The following ANO3 variants were observed in gnomAD, a reference collection of about 807,000 sequenced individuals.
The protein encoded by ANO3 is anoctamin 3, also known as anoctamin-3.
Under a neutral mutation model 144.8 loss-of-function variants are expected in ANO3, and 99 were observed. The observed-to-expected ratio is 0.68, with a 90% CI of 0.58 to 0.81. ANO3 has a LOEUF of 0.81. Among genes scored for constraint, ANO3 ranks in the 30% least tolerant of loss-of-function variants. The probability of loss-of-function intolerance (pLI) is 0.00; values close to 1 mark genes in which losing one functional copy is unlikely to be tolerated. For missense variants in ANO3, 905 were observed against 1,202.2 expected (o/e 0.75, Z 3.66); for synonymous variants, 414 against 392.6 (o/e 1.05, Z -0.64).
chr11:26,504,696 G>T (rs1354480028), intron 4 of ANO3, among the ~76,000 whole-genome samples: 1 of 151,798 alleles, frequency 6.6e-6, no homozygotes, highest in Non-Finnish European at 1.5e-5. Flanking sequence ...GGGATAACTC[G>T]GCTGTCATGT....
intron 1 of ANO3, among the ~76,000 whole-genome samples, chr11:26,411,047 A>G (rs1565009031): frequency 6.6e-6 from 1 of 152,144 alleles, no homozygotes; most frequent in East Asian, 1.9e-4. Context: ...AGTGGAGAAA[A>G]GAGAAACATT....
chr11:26,256,315 T>C (rs1004991309), intron 1 of ANO3, among the ~76,000 whole-genome samples: 1 of 152,184 alleles, frequency 6.6e-6, no homozygotes, highest in Admixed American at 6.6e-5. Flanking sequence ...AATTGTTGAA[T>C]GGATCAATAA....
chr11:26,191,720 A>C (rs1302039608), intron 1 of ANO3, among the ~76,000 whole-genome samples: 1 of 152,176 alleles, frequency 6.6e-6, no homozygotes, highest in African/African-American at 2.4e-5. Context: ...AATAATCTTC[A>C]ATAATTATTT....
At chr11:26,509,255 A>G (rs919378195) in intron 5 of ANO3, among the ~76,000 whole-genome samples, 2 of 152,058 alleles carry the variant, frequency 1.3e-5, no homozygotes, top group Non-Finnish European at 1.5e-5. Context: ...CTGTTCCGCT[A>G]CTGAGAAAAA....
At chr11:26,388,409 C>T (rs67498125) in intron 1 of ANO3, among the ~76,000 whole-genome samples, 21,837 of 151,956 alleles carry the variant, frequency 0.14, 1,695 homozygotes, top group South Asian at 0.27. Context: ...AGATTAGCTC[C>T]ACACAAAATA....
intron 24 of ANO3, among the ~76,000 whole-genome samples, chr11:26,649,921 G>A (rs946189398): frequency 3.2e-4 from 49 of 152,258 alleles, no homozygotes; most frequent in African/African-American, 1.1e-3. Flanking sequence ...ATACAGGCTT[G>A]TTAGGGAGCC....
At chr11:26,273,160 T>G (rs1013398405) in intron 1 of ANO3, among the ~76,000 whole-genome samples, 1 of 152,074 alleles carries the variant, frequency 6.6e-6, no homozygotes, top group African/African-American at 2.4e-5. Flanking sequence ...TTTTTTGGAT[T>G]GGTTCCATCA....
intron 18 of ANO3, among the ~76,000 whole-genome samples, chr11:26,633,588 A>G (rs1238095415): frequency 6.6e-6 from 1 of 152,218 alleles, no homozygotes; most frequent in Non-Finnish European, 1.5e-5. Context: ...TCCATTATGT[A>G]TGGTTACTAC....
At position 26,457,961 on chromosome 11, in the gene ANO3, G is replaced by A. The variant is rs374552930; in HGVS notation, c.314-5069G>A. On this transcript the variant is annotated intron_variant, in intron 3 of 26. Transcript: ENST00000256737. ...AGATTTTAAAACACTATCAATTTTA[G>A]GAAGCATCATCAAATTAATAAGAGC... Among the ~76,000 whole-genome samples, 19 of 151,962 alleles carry A rather than the reference G, an allele frequency of 1.3e-4. No individual in the cohort carries two copies. In the East Asian group the frequency reaches 3.7e-3, roughly 29 times the overall value.
upstream of ANO3, among the ~76,000 whole-genome samples, chr11:26,329,314 A>T (rs932757298): frequency 2.5e-5 from 2 of 78,754 alleles, no homozygotes; most frequent in African/African-American, 6.2e-5. Flanking sequence ...ACACACACAC[A>T]CACACACACA....
chr11:26,453,126 T>G (rs1398177902), intron 3 of ANO3, among the ~76,000 whole-genome samples: 1 of 152,160 alleles, frequency 6.6e-6, no homozygotes, highest in Admixed American at 6.6e-5. Context: ...TGCAAAATCA[T>G]GCCAAAATGT....
At chr11:26,277,444 C>A (rs12277799) in intron 1 of ANO3, among the ~76,000 whole-genome samples, 1,990 of 152,096 alleles carry the variant, frequency 0.013, 31 homozygotes, top group African/African-American at 0.046. Context: ...TATTAAGAAT[C>A]CTTAAGTGGA....
intron 1 of ANO3, among the ~76,000 whole-genome samples, chr11:26,419,882 A>C (rs1023887690): frequency 5.3e-5 from 8 of 152,194 alleles, no homozygotes; most frequent in African/African-American, 1.9e-4. Flanking sequence ...CAAAGCAAAA[A>C]GGTTAGGATG....
intron 1 of ANO3, among the ~76,000 whole-genome samples, chr11:26,370,566 G>A (rs1226394359): frequency 2.6e-5 from 4 of 152,240 alleles, no homozygotes; most frequent in African/African-American, 7.2e-5. Flanking sequence ...GAAGAAAACA[G>A]GAAAATGTGA....
chr11:26,489,380 T>C (rs1860609316), intron 4 of ANO3, among the ~76,000 whole-genome samples: 1 of 152,094 alleles, frequency 6.6e-6, no homozygotes. Flanking sequence ...CAAGAAAAAG[T>C]TTGTTGCAGG....
At chr11:26,350,898 C>G (rs1291301214) in intron 1 of ANO3, among the ~76,000 whole-genome samples, 1 of 151,988 alleles carries the variant, frequency 6.6e-6, no homozygotes, top group African/African-American at 2.4e-5. Flanking sequence ...TGCCCAAATT[C>G]TTGTAGGTTT....
chr11:26,609,608 G>A (rs368966093), intron 17 of ANO3, among the ~76,000 whole-genome samples: 17 of 151,804 alleles, frequency 1.1e-4, no homozygotes, highest in South Asian at 2.1e-4. Flanking sequence ...CTTTGGCCCC[G>A]CCCCCCACCA....
chr11:26,454,893 T>C (rs370168000), intron 3 of ANO3, among the ~76,000 whole-genome samples: 1 of 148,994 alleles, frequency 6.7e-6, no homozygotes, highest in South Asian at 2.2e-4. Context: ...GTGGGCTTCA[T>C]CCCTGGGATG....
chr11:26,332,514 C>T (rs1855081634), intron 1 of ANO3, among the ~76,000 whole-genome samples, 193 bp downstream of exon 1: 1 of 150,056 alleles, frequency 6.7e-6, no homozygotes, highest in Non-Finnish European at 1.5e-5. Context: ...AGCCTCCGCA[C>T]AGTGCCTGGG....
Sources: gnomAD v4.1 joint callset for allele counts (sites outside exome capture counted in the v4.1 genomes callset) on GRCh38, gnomAD v4.1.1 for gene constraint, MANE v1.5 for transcripts, NCBI Gene and HGNC (gene_info 2026-07-23, HGNC 2026-07-21) for gene names.